The following KANSL3 variants were observed in gnomAD, a reference collection of about 807,000 sequenced individuals.
KANSL3 encodes the protein NSL complex protein NSL3.
KANSL3 carries 16 observed loss-of-function variants against 89.2 expected under a neutral mutation model. That is an observed-to-expected ratio of 0.18 (90% CI 0.12 to 0.27). The LOEUF (loss-of-function observed/expected upper bound fraction) is 0.27. KANSL3 is among the 10% of genes least tolerant of loss of function. The pLI is 1.00. For missense variants in KANSL3, 879 were observed against 1,110.6 expected (o/e 0.79, Z 2.96); for synonymous variants, 385 against 419.7 (o/e 0.92, Z 1.01).
chr2:96,588,999 G>A (rs1170269462), downstream of KANSL3, among the ~76,000 whole-genome samples: 1 of 152,222 alleles, frequency 6.6e-6, no homozygotes, highest in African/African-American at 2.4e-5. Context: ...AGAGGGTAAT[G>A]TGGATACCAG....
Position 96,604,074 on chromosome 2 carries a change from C to G in KANSL3, c.2149+176G>C. The G allele has an allele frequency of 5.1e-6, 3 of 593,606 alleles. No individual in the cohort carries two copies. In the South Asian group the frequency reaches 9.7e-5, roughly 19 times the overall value. 36.8% of individuals were successfully genotyped at this position (593,606 alleles called of 1,614,324 possible). A position where few individuals can be genotyped will look rare whatever the true frequency, so the allele number is the denominator to read the frequency against. The stretch of plus-strand genomic sequence containing the variant: ...ATTTACTCACTGCATTTATTCAAGG[C>G]CAAGGAATCCCTCTGCCCAAGCTAA... On this transcript the variant is annotated intron_variant, in intron 17 of 20. Coordinates refer to ENST00000431828, the MANE Select transcript of KANSL3 (RefSeq NM_001115016.3).
the KANSL3 span, among the ~76,000 whole-genome samples, chr2:96,587,402 AG>A: frequency 6.6e-6 from 1 of 152,234 alleles, no homozygotes; most frequent in Non-Finnish European, 1.5e-5. Flanking sequence ...GCAGCAGCAG[AG>A]GCCAGGTGGG....
downstream of KANSL3, among the ~76,000 whole-genome samples, chr2:96,589,629 T>C (rs2066260459): frequency 6.6e-6 from 1 of 152,154 alleles, no homozygotes; most frequent in South Asian, 2.1e-4. Flanking sequence ...CTCTTTACAG[T>C]TGACAGAACA....
intron 2 of KANSL3, among the ~76,000 whole-genome samples, chr2:96,635,085 A>G (rs1468059896): frequency 6.6e-6 from 1 of 152,194 alleles, no homozygotes; most frequent in Non-Finnish European, 1.5e-5. Context: ...TTTCTGGCCC[A>G]TCTCAGTCCA....
At position 96,612,508 on chromosome 2, in the gene KANSL3, T is replaced by G. The variant is rs942705577; in HGVS notation, c.968A>C (p.Gln323Pro). Residue 323 changes from glutamine to proline, a missense_variant, in exon 8 of 21, where the codon CAG (glutamine) becomes CCG (proline). Physicochemically the swap from Gln to Pro is moderately conservative, Grantham distance 76. Coordinates refer to ENST00000431828, the MANE Select transcript of KANSL3 (RefSeq NM_001115016.3). The stretch of plus-strand genomic sequence containing the variant: ...TGCCCCAATCATATGCTCGAGACAC[T>G]GTAGAACTCCTACCCCACTGCCATT... ...LNNGSGVGVL[Q>P]CLEHMIGAVR... 2 of 1,613,934 alleles carry G rather than the reference T, an allele frequency of 1.2e-6. No homozygotes were observed. The highest frequency in any genetic ancestry group is 1.7e-6 in the Non-Finnish European group (2 of 1,179,860).
chr2:96,591,099 A>G (rs911741685), downstream of KANSL3, among the ~76,000 whole-genome samples: 1 of 152,252 alleles, frequency 6.6e-6, no homozygotes, highest in Non-Finnish European at 1.5e-5. Context: ...ATGTCCCTCA[A>G]TAGGTGAATG....
chr2:96,609,597 A>G (rs950051325), intron 11 of KANSL3, 35 bp from the exon 12 acceptor site: 7 of 1,523,830 alleles, frequency 4.6e-6, no homozygotes, highest in African/African-American at 1.4e-5. Flanking sequence ...TTTACTTCTT[A>G]CACATTGCAC....
chr2:96,615,305 C>A (rs1281528213), intron 5 of KANSL3: 7 of 164,992 alleles, frequency 4.2e-5, no homozygotes, highest in Non-Finnish European at 3.9e-5. Flanking sequence ...ATTTTTAAAT[C>A]TCCATTTTCT....
At chr2:96,637,411 C>A (rs2074399598) in intron 1 of KANSL3, among the ~76,000 whole-genome samples, 2 of 152,064 alleles carry the variant, frequency 1.3e-5, no homozygotes, top group Non-Finnish European at 2.9e-5. Flanking sequence ...CTCTAGCGAA[C>A]TGAAATTACC....
At chr2:96,582,141 G>A in the KANSL3 span, among the ~76,000 whole-genome samples, 8 of 152,058 alleles carry the variant, frequency 5.3e-5, no homozygotes, top group South Asian at 6.2e-4. Flanking sequence ...CTATAATCCC[G>A]GCACTTGGGA....
rs2067288294 is a variant in KANSL3, at chr2:96,602,272, T to C, written c.2326A>G (p.Ile776Val). ...LGAITTGTST[I>V]VRTIPVATTL... is the part of the protein sequence containing the mutation. ...GTGGCCACAGGAATGGTACGGACAA[T>C]GGTGCTGGTGCCCGTGGTGATGGCA... The change falls in exon 19 of 21, where the codon ATT (isoleucine) becomes GTT (valine). Residue 776 changes from isoleucine to valine, a missense_variant. This residue lies in a region of KANSL3 where 89 missense variants were observed against 139.7 expected (regional missense o/e 0.64). Coordinates refer to ENST00000431828, the MANE Select transcript of KANSL3 (RefSeq NM_001115016.3). The C allele has an allele frequency of 1.9e-6, 3 of 1,612,480 alleles. No homozygotes were observed. Among genetic ancestry groups the C allele is most frequent in the East Asian group, 2.2e-5 (1 of 44,816 alleles).
chr2:96,627,937 G>A (rs1333314178), intron 3 of KANSL3: 1 of 1,289,872 alleles, frequency 7.8e-7, no homozygotes, highest in Non-Finnish European at 1.0e-6. Flanking sequence ...GAGATGGTGT[G>A]TAAGCCTGCT....
chr2:96,581,378 C>T, the KANSL3 span, among the ~76,000 whole-genome samples: 1 of 150,338 alleles, frequency 6.7e-6, no homozygotes, highest in African/African-American at 2.5e-5. Context: ...GAGCCAAGAT[C>T]ATGCCACTGT....
In KANSL3 at chr2:96,632,965, CAAA is replaced by C. The variant is rs1051564122; in HGVS notation, c.216-1486_216-1484del. Among the ~76,000 whole-genome samples, 50 of 51,580 alleles carry C rather than the reference CAAA, an allele frequency of 9.7e-4. No individual in the cohort carries two copies. In the South Asian group the frequency reaches 0.028, roughly 28 times the overall value. 33.8% of individuals were successfully genotyped at this position (51,580 alleles called of 152,430 possible). On this transcript the variant is annotated intron_variant, in intron 2 of 20. Transcript: ENST00000431828. ...TGGGAGACAGAGCGAGACTCCATCT[CAAA>C]AAAAAAAAAAAAAAAAAAATTACTG...
At chr2:96,583,725 T>A in the KANSL3 span, among the ~76,000 whole-genome samples, 1 of 152,270 alleles carries the variant, frequency 6.6e-6, no homozygotes, top group Non-Finnish European at 1.5e-5. Flanking sequence ...AATGTACTTG[T>A]AGAAGTCACT....
chr2:96,581,189 GC>G, the KANSL3 span, among the ~76,000 whole-genome samples: 4 of 152,336 alleles, frequency 2.6e-5, no homozygotes, highest in Non-Finnish European at 5.9e-5. Context: ...ACTCCGGGAG[GC>G]CGAAGCAGGC....
chr2:96,586,437 TTC>T, the KANSL3 span, among the ~76,000 whole-genome samples: 2 of 152,226 alleles, frequency 1.3e-5, no homozygotes, highest in African/African-American at 4.8e-5. Flanking sequence ...AAGAAAGATT[TTC>T]TGTCTTTAAT....
In KANSL3 at chr2:96,602,297, A is replaced by G; in HGVS notation, c.2301T>C (p.Gly767=). Residue 767 remains glycine, a synonymous_variant, in exon 19 of 21, where the codon GGT becomes GGC. Coordinates refer to ENST00000431828, the MANE Select transcript of KANSL3 (RefSeq NM_001115016.3). Reference sequence around the variant, plus strand: ...TGGTGCTGGTGCCCGTGGTGATGGCACCCAGGCTCTGCATGGGGGTGGGCA... The same window carrying G: ...TGGTGCTGGTGCCCGTGGTGATGGCGCCCAGGCTCTGCATGGGGGTGGGCA... ...VKLPTPMQSL[G]AITTGTSTIV... is the part of the protein sequence containing the mutation. 6.2e-7 allele frequency: 1 copy of G among 1,612,038 alleles called. No individual in the cohort carries two copies. Among genetic ancestry groups the G allele is most frequent in the Non-Finnish European group, 8.5e-7 (1 of 1,179,284 alleles).
Position 96,605,472 on chromosome 2 carries a change from T to A in KANSL3, c.1781A>T (p.Glu594Val), listed in dbSNP as rs780719154. ...SSEPPEEGEKEDLRVQLKRHH... is the reference protein window; with the variant it reads ...SSEPPEEGEKVDLRVQLKRHH... ...TCGCTTCAGCTGAACCCTAAGATCC[T>A]CTTTCTCTCCTTCCTCTGGTGGTTC... The change falls in exon 15 of 21, where the codon GAG (glutamate) becomes GTG (valine). Residue 594 changes from glutamate (E) to valine (V), a missense_variant. Around this residue, in one of 6 missense-constraint regions of KANSL3, gnomAD observed 317 missense variants for 311.2 expected, o/e 1.02. Transcript: ENST00000431828. 1 of 1,613,776 alleles carries A rather than the reference T, an allele frequency of 6.2e-7. No individual in the cohort carries two copies. Among genetic ancestry groups the A allele is most frequent in the East Asian group, 2.2e-5 (1 of 44,872 alleles).
Sources: gnomAD v4.1 joint callset for allele counts (sites outside exome capture counted in the v4.1 genomes callset) on GRCh38, gnomAD v4.1.1 for gene constraint, gnomAD v4.1.1 regional missense constraint, MANE v1.5 for transcripts, NCBI Gene and HGNC (gene_info 2026-07-23, HGNC 2026-07-21) for gene names.